PLXDC2: variants seen among roughly 807,000 people sequenced by gnomAD.
The protein encoded by PLXDC2 is plexin domain-containing protein 2.
PLXDC2 carries 40 observed loss-of-function variants against 68.9 expected under a neutral mutation model. The ratio of observed to expected loss-of-function variants is 0.58; its 90% CI spans 0.45 to 0.76. The LOEUF (loss-of-function observed/expected upper bound fraction) is 0.76, where lower values mean the gene tolerates loss of function less well. Ranked by LOEUF, PLXDC2 falls within the 30% of genes least tolerant of loss-of-function variation. The probability of loss-of-function intolerance (pLI) is 0.00; values close to 1 mark genes in which losing one functional copy is unlikely to be tolerated. For synonymous variants in PLXDC2, 243 were observed against 234.2 expected (o/e 1.04, Z -0.34); for missense variants, 644 against 661.9 (o/e 0.97, Z 0.30).
At chr10:20,240,501 G>A (rs1396761137) in intron 12 of PLXDC2, among the ~76,000 whole-genome samples, 1 of 152,008 alleles carries the variant, frequency 6.6e-6, no homozygotes, top group Non-Finnish European at 1.5e-5. Context: ...TGTACCATTT[G>A]ATCAAGCATG....
intron 6 of PLXDC2, among the ~76,000 whole-genome samples, chr10:20,159,936 T>C (rs924602111): frequency 1.3e-5 from 2 of 152,168 alleles, no homozygotes; most frequent in South Asian, 2.1e-4. Context: ...TTCCTCTCTA[T>C]CTTCTTACTC....
intron 1 of PLXDC2, among the ~76,000 whole-genome samples, chr10:19,968,597 G>A (rs1235177967): frequency 6.6e-6 from 1 of 152,168 alleles, no homozygotes; most frequent in Non-Finnish European, 1.5e-5. Context: ...ATAGGCATGA[G>A]CCACCGCACC....
At chr10:20,202,391 C>T (rs1420843881) in intron 9 of PLXDC2, among the ~76,000 whole-genome samples, 1 of 152,130 alleles carries the variant, frequency 6.6e-6, no homozygotes, top group Non-Finnish European at 1.5e-5. Context: ...TTCCATCCAC[C>T]TGATGCAGGT....
intron 1 of PLXDC2, among the ~76,000 whole-genome samples, chr10:19,860,880 T>A (rs1329728196): frequency 2.0e-5 from 3 of 152,190 alleles, no homozygotes; most frequent in Non-Finnish European, 4.4e-5. Flanking sequence ...TCTTTACTCC[T>A]ACTCTGTGCA....
chr10:19,862,608 A>C (rs12771101), intron 1 of PLXDC2, among the ~76,000 whole-genome samples: 2 of 152,218 alleles, frequency 1.3e-5, no homozygotes, highest in Non-Finnish European at 2.9e-5. Flanking sequence ...TAAATGAGAA[A>C]GTTTACTGGG....
chr10:20,110,125 G>T (rs1348016825), intron 4 of PLXDC2, among the ~76,000 whole-genome samples: 1 of 152,224 alleles, frequency 6.6e-6, no homozygotes, highest in East Asian at 1.9e-4. Context: ...GGCAGGGATG[G>T]AGACTGCTCA....
intron 2 of PLXDC2, among the ~76,000 whole-genome samples, chr10:20,043,151 G>T (rs1365219526): frequency 3.9e-5 from 6 of 152,060 alleles, no homozygotes; most frequent in African/African-American, 1.2e-4. Flanking sequence ...TGGTTTTTCT[G>T]AATATCTGAA....
intron 13 of PLXDC2, among the ~76,000 whole-genome samples, chr10:20,262,010 G>A (rs1835814302): frequency 6.6e-6 from 1 of 152,162 alleles, no homozygotes; most frequent in South Asian, 2.1e-4. Flanking sequence ...CAGAAGGGAT[G>A]AGCAAATACA....
chr10:20,116,415 T>C (rs142376199), intron 4 of PLXDC2, among the ~76,000 whole-genome samples: 1,893 of 152,328 alleles, frequency 0.012, 127 homozygotes, highest in Admixed American at 0.096. Context: ...GCCTTTTTTT[T>C]CCATATACCC....
chr10:20,204,665 G>T (rs1303636130), intron 9 of PLXDC2, among the ~76,000 whole-genome samples: 1 of 152,182 alleles, frequency 6.6e-6, no homozygotes, highest in Non-Finnish European at 1.5e-5. Context: ...GCAAACTACA[G>T]TAAATGAATT....
chr10:20,065,426 A>G (rs774922060), intron 3 of PLXDC2, among the ~76,000 whole-genome samples: 4 of 152,158 alleles, frequency 2.6e-5, no homozygotes, highest in Non-Finnish European at 5.9e-5. Context: ...GCTAGGTAAT[A>G]TAGAGCAGCA....
At chr10:19,826,842 G>A (rs549569901) in intron 1 of PLXDC2, among the ~76,000 whole-genome samples, 7 of 152,238 alleles carry the variant, frequency 4.6e-5, no homozygotes, top group East Asian at 1.9e-4. Flanking sequence ...TTGTGGTCGC[G>A]TTTGTTAATA....
intron 4 of PLXDC2, among the ~76,000 whole-genome samples, chr10:20,112,355 T>C (rs1833570618): frequency 6.7e-6 from 1 of 149,100 alleles, no homozygotes; most frequent in African/African-American, 2.4e-5. Flanking sequence ...AAAAAAAAGG[T>C]TCTACTTTCC....
chr10:20,168,616 G>T (rs547132413), intron 7 of PLXDC2, among the ~76,000 whole-genome samples: 97 of 152,268 alleles, frequency 6.4e-4, no homozygotes, highest in African/African-American at 2.3e-3. Context: ...TTCATAAAAT[G>T]TATTTGTAAA....
intron 13 of PLXDC2, among the ~76,000 whole-genome samples, chr10:20,270,105 CAGA>C (rs1211115160): frequency 6.6e-6 from 1 of 151,736 alleles, no homozygotes; most frequent in Non-Finnish European, 1.5e-5. Context: ...GAGAGTGAGC[CAGA>C]AGAAGAGTGA....
intron 1 of PLXDC2, among the ~76,000 whole-genome samples, chr10:19,925,910 G>A (rs1029140168): frequency 4.6e-5 from 7 of 152,148 alleles, no homozygotes; most frequent in African/African-American, 1.2e-4. Flanking sequence ...GTTTTGTACC[G>A]GGGTTGATCG....
intron 2 of PLXDC2, among the ~76,000 whole-genome samples, chr10:20,035,039 A>T (rs1420323348): frequency 6.6e-6 from 1 of 152,234 alleles, no homozygotes; most frequent in East Asian, 1.9e-4. Context: ...ATAGCATTTT[A>T]TAGTTTCCAA....
chr10:19,823,733 T>A (rs1415093971), intron 1 of PLXDC2, among the ~76,000 whole-genome samples: 1 of 152,086 alleles, frequency 6.6e-6, no homozygotes, highest in Non-Finnish European at 1.5e-5. Flanking sequence ...ACACCTGTAA[T>A]CCCAACACTT....
chr10:19,976,492 C>G (rs1158392618), intron 1 of PLXDC2, among the ~76,000 whole-genome samples: 7 of 152,168 alleles, frequency 4.6e-5, no homozygotes, highest in Non-Finnish European at 8.8e-5. Context: ...GGATTACAGG[C>G]GTGAGCCACT....
Sources: gnomAD v4.1 joint callset for allele counts (sites outside exome capture counted in the v4.1 genomes callset) on GRCh38, gnomAD v4.1.1 for gene constraint, MANE v1.5 for transcripts, NCBI Gene and HGNC (gene_info 2026-07-23, HGNC 2026-07-21) for gene names.